TFIP11: variants seen among roughly 807,000 people sequenced by gnomAD.
TFIP11 encodes the protein tuftelin-interacting protein 11.
Under a neutral mutation model 96.8 loss-of-function variants are expected in TFIP11, and 86 were observed. The observed-to-expected ratio is 0.89, with a 90% confidence interval of 0.75 to 1.06. The LOEUF (loss-of-function observed/expected upper bound fraction) is 1.06, where lower values mean the gene tolerates loss of function less well. TFIP11 is among the 50% of genes least tolerant of loss of function. The probability of loss-of-function intolerance (pLI) is 0.00; values close to 1 mark genes in which losing one functional copy is unlikely to be tolerated. For missense variants in TFIP11, 881 were observed against 1,076.7 expected, an observed-to-expected ratio of 0.82 and a Z score of 2.54; for synonymous variants, 405 against 395.2, an observed-to-expected ratio of 1.02 and a Z score of -0.29.
rs753388584 is a variant in TFIP11, at chr22:26,492,095, A to G, written c.2432T>C (p.Ile811Thr). The G allele has an allele frequency of 6.2e-7, 1 of 1,614,004 alleles. No individual in the cohort carries two copies. Among genetic ancestry groups the G allele is most frequent in the Non-Finnish European group, 8.5e-7 (1 of 1,179,950 alleles). ...CTGGACAAAGACCACTCCCCGGTCG[A>G]TGTAGATCACAATGCGGCCAAAGGT... ...LYTFGRIVIY[I>T]DRGVVFVQGE... The change falls in exon 15 of 15, where the codon ATC becomes ACC. Residue 811 changes from isoleucine to threonine, a missense_variant. Physicochemically the swap from Ile to Thr is moderately conservative, Grantham distance 89. Transcript: ENST00000407690.
At chr22:26,492,759 T>C (rs2032574) in intron 14 of TFIP11, 171,735 of 199,108 alleles carry the variant, frequency 0.86, 74,686 homozygotes, top group Middle Eastern at 0.91. Context: ...ATAGGGCCCA[T>C]ACTGGCTTTA....
intron 7 of TFIP11, among the ~76,000 whole-genome samples, chr22:26,503,295 G>A (rs563309457): frequency 1.6e-4 from 25 of 152,236 alleles, no homozygotes; most frequent in African/African-American, 6.0e-4. Flanking sequence ...GAGCCTCTCA[G>A]TGTCCTCTGG....
At chr22:26,511,058 C>G (rs1923990477) in intron 2 of TFIP11, 1 of 152,110 alleles carries the variant, frequency 6.6e-6, no homozygotes, top group Non-Finnish European at 1.5e-5. Context: ...TTCTCTAGAG[C>G]GACATAACTA....
chr22:26,492,217 G>C lies in TFIP11; in HGVS notation c.2310C>G (p.Pro770=). ...TCTCAATGAGGTCCTTAAAGTTCAT[G>C]GGCACAGAGCTAGCGGCCACGCCAA... is the stretch of plus-strand genomic sequence containing the variant. The part of the protein sequence containing the change: ...RGIGVAASSV[P]MNFKDLIETK... The change falls in exon 15 of 15, where the codon CCC becomes CCG. Residue 770 remains proline (P), a synonymous_variant. Coordinates refer to ENST00000407690, the MANE Select transcript of TFIP11 (RefSeq NM_012143.4). 6.2e-7 allele frequency: 1 copy of C among 1,614,196 alleles called. No individual in the cohort carries two copies. Among genetic ancestry groups the C allele is most frequent in the Non-Finnish European group, 8.5e-7 (1 of 1,180,048 alleles).
At position 26,491,389 on chromosome 22, in the gene TFIP11, G is replaced by A; in HGVS notation, c.*624C>T. 4 of 1,191,830 alleles carry A rather than the reference G, an allele frequency of 3.4e-6. No individual in the cohort carries two copies. The highest frequency in any genetic ancestry group is 4.8e-6 in the Non-Finnish European group (4 of 829,342). The allele number at this position is 1,191,830 out of a possible 1,614,324, so 73.8% of individuals were successfully genotyped here. A position where few individuals can be genotyped will look rare whatever the true frequency, so the allele number is the denominator to read the frequency against. On this transcript the variant is annotated 3_prime_UTR_variant, in exon 15 of 15. Coordinates refer to ENST00000407690, the MANE Select transcript of TFIP11 (RefSeq NM_012143.4). ...AAGTAAAGTGGGGATGACAAGTAAA[G>A]TGGAAATTTATCCCAGAAGAGTGGG... is the stretch of plus-strand genomic sequence containing the variant.
chr22:26,508,432 CTAT>C (rs774943246), intron 4 of TFIP11, among the ~76,000 whole-genome samples: 2 of 152,178 alleles, frequency 1.3e-5, no homozygotes, highest in African/African-American at 2.4e-5. Context: ...GAGATGTTAG[CTAT>C]TATTATTATC....
intron 6 of TFIP11, among the ~76,000 whole-genome samples, chr22:26,505,527 A>G (rs1923290106): frequency 6.6e-6 from 1 of 152,172 alleles, no homozygotes; most frequent in Non-Finnish European, 1.5e-5. Context: ...TTGGGGTGGA[A>G]GACAACAGGG....
chr22:26,505,134 A>G (rs1340698757), intron 6 of TFIP11, among the ~76,000 whole-genome samples: 3 of 152,292 alleles, frequency 2.0e-5, no homozygotes, highest in Non-Finnish European at 2.9e-5. Flanking sequence ...TATGTAGGAT[A>G]CATTTGATTA....
chr22:26,498,281 G>A (rs935309616), intron 10 of TFIP11, among the ~76,000 whole-genome samples: 2 of 152,172 alleles, frequency 1.3e-5, no homozygotes, highest in African/African-American at 2.4e-5. Context: ...GGTGGCTCAC[G>A]CCTGGAATCC....
chr22:26,510,019 C>T (rs745815293), intron 4 of TFIP11, 45 bp downstream of exon 4: 197 of 1,602,022 alleles, frequency 1.2e-4, no homozygotes, highest in Non-Finnish European at 1.6e-4. Flanking sequence ...CATCTTCCCC[C>T]TCTTCCCTAA....
chr22:26,496,715 T>G lies in TFIP11; in HGVS notation c.1605+6A>C. On this transcript the variant is annotated splice_donor_region_variant and intron_variant, in intron 11 of 14. Coordinates refer to ENST00000407690, the MANE Select transcript of TFIP11 (RefSeq NM_012143.4). Reference sequence around the variant, plus strand: ...TGACGACTGTTTCCCATGACTCTCATCCCACCTCCTTTTGCAGCTTGGGGA... The same window carrying G: ...TGACGACTGTTTCCCATGACTCTCAGCCCACCTCCTTTTGCAGCTTGGGGA... 1 of 1,613,514 alleles carries G rather than the reference T, an allele frequency of 6.2e-7. No individual in the cohort carries two copies. Among genetic ancestry groups the G allele is most frequent in the Non-Finnish European group, 8.5e-7 (1 of 1,179,480 alleles).
At chr22:26,505,254 A>T (rs948486380) in intron 6 of TFIP11, among the ~76,000 whole-genome samples, 4 of 152,212 alleles carry the variant, frequency 2.6e-5, no homozygotes, top group South Asian at 2.1e-4. Context: ...AGAAGGTAAG[A>T]GTGTGACAGG....
intron 13 of TFIP11, 162 bp downstream of exon 13, chr22:26,494,635 C>G (rs1323834284): frequency 2.0e-6 from 2 of 1,020,448 alleles, no homozygotes; most frequent in East Asian, 5.1e-5. Flanking sequence ...TGGCAAATGT[C>G]CAATAAATGG....
intron 8 of TFIP11, among the ~76,000 whole-genome samples, chr22:26,501,533 G>A (rs964836437): frequency 3.3e-5 from 5 of 151,750 alleles, no homozygotes; most frequent in Non-Finnish European, 4.4e-5. Context: ...CTGGAATTAC[G>A]TGCTCATTAT....
At chr22:26,510,563 C>A in intron 3 of TFIP11, 54 bp downstream of exon 3, 1 of 368,510 alleles carries the variant, frequency 2.7e-6, no homozygotes, top group Non-Finnish European at 5.0e-6. Context: ...CACATATTCA[C>A]ACATACACAA....
At chr22:26,505,741 G>T (rs1466266510) in intron 6 of TFIP11, among the ~76,000 whole-genome samples, 1 of 133,200 alleles carries the variant, frequency 7.5e-6, no homozygotes, top group African/African-American at 2.8e-5. Context: ...TTTATTCAGG[G>T]ATGGAGTCTC....
rs564026303 is a variant in TFIP11, at chr22:26,491,807, C to T, written c.*206G>A. On this transcript the variant is annotated 3_prime_UTR_variant, in exon 15 of 15. Coordinates refer to ENST00000407690, the MANE Select transcript of TFIP11 (RefSeq NM_012143.4). ...CAACTTGGCTGTCCTGTTTTGAGGA[C>T]GATACCCCACATGAGGACTTGGTAT... The T allele has an allele frequency of 2.6e-5, 25 of 948,760 alleles. No individual in the cohort carries two copies. Among genetic ancestry groups the T allele is most frequent in the South Asian group, 1.0e-4 (6 of 58,782 alleles). The allele number at this position is 948,760 out of a possible 1,614,324, so 58.8% of individuals were successfully genotyped here.
chr22:26,496,717 C>T lies in TFIP11; in HGVS notation c.1605+4G>A, dbSNP rs1453676677. 3 of 1,613,504 alleles carry T rather than the reference C, an allele frequency of 1.9e-6. No homozygotes were observed. The South Asian group carries it at 3.3e-5, about 18-fold the overall frequency. On this transcript the variant is annotated splice_donor_region_variant and intron_variant, in intron 11 of 14. Coordinates refer to ENST00000407690, the MANE Select transcript of TFIP11 (RefSeq NM_012143.4). ...ACGACTGTTTCCCATGACTCTCATCCCACCTCCTTTTGCAGCTTGGGGAAG... is the reference window on the plus strand; with the variant it reads ...ACGACTGTTTCCCATGACTCTCATCTCACCTCCTTTTGCAGCTTGGGGAAG...
Position 26,506,788 on chromosome 22 carries a change from C to G in TFIP11, c.350G>C (p.Arg117Thr). The change falls in exon 5 of 15, where the codon AGG (arginine) becomes ACG (threonine). Residue 117 changes from arginine (R) to threonine (T), a missense_variant. Coordinates refer to ENST00000407690, the MANE Select transcript of TFIP11 (RefSeq NM_012143.4). ...AATAGAGACTACCGTTTTTAGCTTCCTTGGTCCAAAATCCTTAGGAAAGTC... is the reference window on the plus strand; with the variant it reads ...AATAGAGACTACCGTTTTTAGCTTCGTTGGTCCAAAATCCTTAGGAAAGTC... ...QDDFPKDFGP[R>T]KLKTGGNFKP... 6.2e-7 allele frequency: 1 copy of G among 1,614,154 alleles called. No homozygotes were observed. The highest frequency in any genetic ancestry group is 8.5e-7 in the Non-Finnish European group (1 of 1,180,038).
Sources: allele counts gnomAD v4.1 joint callset (sites outside exome capture counted in the v4.1 genomes callset), GRCh38; gene constraint gnomAD v4.1.1; transcripts MANE v1.5; gene names NCBI Gene and HGNC (gene_info 2026-07-23, HGNC 2026-07-21).